Variants in NOX4 observed in about 807,000 individuals in gnomAD.
NOX4 encodes the protein NADPH oxidase 4, also known as kidney oxidase-1.
In NOX4, 69 loss-of-function variants were observed where a neutral mutation model predicts 87.6. The observed-to-expected ratio is 0.79, with a 90% CI of 0.65 to 0.96. The LOEUF (loss-of-function observed/expected upper bound fraction) is 0.96, where lower values mean the gene tolerates loss of function less well. Ranked by LOEUF, NOX4 falls within the 40% of genes least tolerant of loss-of-function variation. NOX4 has a pLI of 0.00. For missense variants in NOX4, 680 were observed against 681.5 expected (o/e 1.00, Z 0.02); for synonymous variants, 275 against 238.2 (o/e 1.15, Z -1.42).
Position 89,324,789 on chromosome 11 carries a change from T to C in NOX4, c.*1967A>G, listed in dbSNP as rs1231419626. On this transcript the variant is annotated 3_prime_UTR_variant, in exon 18 of 18. Transcript: ENST00000263317. Reference sequence around the variant, plus strand: ...GACTGTTGTCAAGACATACTAGTTATTAAATATGCCTTCAGAGCTAAATCT... The same window carrying C: ...GACTGTTGTCAAGACATACTAGTTACTAAATATGCCTTCAGAGCTAAATCT... 1 of 152,242 alleles carries C rather than the reference T, an allele frequency of 6.6e-6. No homozygotes were observed. The highest frequency in any genetic ancestry group is 1.9e-4 in the East Asian group (1 of 5,200). 9.4% of individuals were successfully genotyped at this position (152,242 alleles called of 1,614,324 possible).
At chr11:89,410,857 G>T (rs529416756) in intron 8 of NOX4, among the ~76,000 whole-genome samples, 8 of 152,180 alleles carry the variant, frequency 5.3e-5, no homozygotes, top group Non-Finnish European at 1.2e-4. Flanking sequence ...CCAGTGATGT[G>T]GGTGGCACAC....
rs921187256 is a variant in NOX4, at chr11:89,365,589, A to AT, written c.1135+7842dup. On this transcript the variant is annotated intron_variant, in intron 12 of 17. Coordinates refer to ENST00000263317, the MANE Select transcript of NOX4 (RefSeq NM_016931.5). ...TATTTTCATTTGTCACATCAAATGCATTTTTTTTTAACAATGTTGGCTTTC... is the reference window on the plus strand; with the variant it reads ...TATTTTCATTTGTCACATCAAATGCATTTTTTTTTTAACAATGTTGGCTTTC... Among the ~76,000 whole-genome samples the AT allele has an allele frequency of 6.0e-4, 91 of 150,684 alleles. No individual in the cohort carries two copies. The Middle Eastern group carries it at 0.014, about 23-fold the overall frequency.
At chr11:89,562,077 A>C in the NOX4 span, among the ~76,000 whole-genome samples, 1 of 152,202 alleles carries the variant, frequency 6.6e-6, no homozygotes, top group African/African-American at 2.4e-5. Context: ...AGTTACTTCC[A>C]AAAACCTCCA....
intron 2 of NOX4, among the ~76,000 whole-genome samples, chr11:89,455,407 C>A (rs563222783): frequency 1.3e-5 from 2 of 152,094 alleles, no homozygotes; most frequent in African/African-American, 4.8e-5. Flanking sequence ...TTTTCCTGCA[C>A]CCAGGTAGTA....
the NOX4 span, among the ~76,000 whole-genome samples, chr11:89,505,468 G>T: frequency 6.6e-6 from 1 of 151,838 alleles, no homozygotes; most frequent in Non-Finnish European, 1.5e-5. Flanking sequence ...TGAGGACCAG[G>T]AAAGGCCTTT....
chr11:89,393,135 C>T (rs1472591617), intron 11 of NOX4, among the ~76,000 whole-genome samples: 1 of 152,116 alleles, frequency 6.6e-6, no homozygotes, highest in Non-Finnish European at 1.5e-5. Context: ...CATCTGGCTA[C>T]ATTTGGAGAC....
intron 2 of NOX4, among the ~76,000 whole-genome samples, chr11:89,456,863 C>T (rs1159119937): frequency 6.6e-6 from 1 of 152,168 alleles, no homozygotes; most frequent in Non-Finnish European, 1.5e-5. Flanking sequence ...TTCTAAGTGA[C>T]GTCAGCCTTT....
chr11:89,367,918 C>T (rs139825132), intron 12 of NOX4, among the ~76,000 whole-genome samples: 1,664 of 152,012 alleles, frequency 0.011, 19 homozygotes, highest in Non-Finnish European at 0.015. Flanking sequence ...ATTTTTTCTC[C>T]GTGGAATAAT....
At chr11:89,427,071 C>T (rs546557502) in intron 7 of NOX4, among the ~76,000 whole-genome samples, 3 of 152,258 alleles carry the variant, frequency 2.0e-5, no homozygotes, top group South Asian at 2.1e-4. Context: ...CAGCAATATT[C>T]ACTGTTCTGC....
At chr11:89,361,444 G>C (rs1225402272) in intron 12 of NOX4, among the ~76,000 whole-genome samples, 1 of 151,996 alleles carries the variant, frequency 6.6e-6, no homozygotes, top group Non-Finnish European at 1.5e-5. Context: ...TGAATTTTAA[G>C]AACTCTGGAG....
chr11:89,437,573 T>G (rs1944141929), intron 6 of NOX4, among the ~76,000 whole-genome samples: 1 of 151,918 alleles, frequency 6.6e-6, no homozygotes, highest in African/African-American at 2.4e-5. Context: ...TTCTTGAAAT[T>G]ATGTGAGAAT....
rs535324223 is a variant in NOX4, at chr11:89,390,823, C to T, written c.1074+9194G>A. On this transcript the variant is annotated intron_variant, in intron 11 of 17. Transcript: ENST00000263317. Reference sequence around the variant, plus strand: ...TTTGCCATAGGTACATTTTCCCCTCCTCTTTTGTTAGAGAGAAATAAGCAC... The same window carrying T: ...TTTGCCATAGGTACATTTTCCCCTCTTCTTTTGTTAGAGAGAAATAAGCAC... Among the ~76,000 whole-genome samples, 37 of 152,258 alleles carry T rather than the reference C, an allele frequency of 2.4e-4. No individual in the cohort carries two copies. In the South Asian group the frequency reaches 6.6e-3, roughly 27 times the overall value.
At chr11:89,467,477 A>G (rs1285059716) in intron 2 of NOX4, among the ~76,000 whole-genome samples, 1 of 152,072 alleles carries the variant, frequency 6.6e-6, no homozygotes, top group African/African-American at 2.4e-5. Context: ...TGGCTTATAA[A>G]CAACAAACAT....
At chr11:89,468,367 G>C (rs1184816718) in intron 2 of NOX4, among the ~76,000 whole-genome samples, 1 of 152,160 alleles carries the variant, frequency 6.6e-6, no homozygotes, top group African/African-American at 2.4e-5. Context: ...TACAATTGTT[G>C]ATATAATTTT....
chr11:89,333,737 C>A (rs573593263), intron 17 of NOX4, among the ~76,000 whole-genome samples: 2 of 151,742 alleles, frequency 1.3e-5, no homozygotes, highest in African/African-American at 4.8e-5. Context: ...CATCCATTTA[C>A]ACAGTGCCTT....
At chr11:89,536,569 T>C in the NOX4 span, among the ~76,000 whole-genome samples, 1 of 152,236 alleles carries the variant, frequency 6.6e-6, no homozygotes, top group African/African-American at 2.4e-5. Context: ...TATGTTCTTA[T>C]ACTTCAAATA....
intron 12 of NOX4, among the ~76,000 whole-genome samples, chr11:89,368,684 G>A (rs1157390308): frequency 2.6e-5 from 4 of 152,036 alleles, no homozygotes; most frequent in Admixed American, 2.0e-4. Context: ...TCATATTGGT[G>A]ATTAAATTTC....
chr11:89,484,582 C>G (rs568519563), intron 2 of NOX4, among the ~76,000 whole-genome samples: 22 of 151,976 alleles, frequency 1.4e-4, no homozygotes, highest in Non-Finnish European at 2.6e-4. Flanking sequence ...TAAATAGTGA[C>G]CAAGTCACTA....
intron 11 of NOX4, among the ~76,000 whole-genome samples, chr11:89,381,389 G>T (rs564815562): frequency 6.6e-6 from 1 of 152,046 alleles, no homozygotes; most frequent in Non-Finnish European, 1.5e-5. Context: ...GAAAATGGCC[G>T]GTTCCTGCCT....
Sources: gnomAD v4.1 joint callset for allele counts (sites outside exome capture counted in the v4.1 genomes callset) on GRCh38, gnomAD v4.1.1 for gene constraint, MANE v1.5 for transcripts, NCBI Gene and HGNC (gene_info 2026-07-23, HGNC 2026-07-21) for gene names.